Variants in PGRMC2 observed in about 807,000 individuals in gnomAD.
PGRMC2 encodes the protein progesterone receptor membrane component 2, also known as membrane-associated progesterone receptor component 2.
In PGRMC2, 9 loss-of-function variants were observed where a neutral mutation model predicts 19.3. The observed-to-expected ratio is 0.47, with a 90% CI of 0.28 to 0.81. The LOEUF is 0.81. Among genes scored for constraint, PGRMC2 ranks in the 40% least tolerant of loss-of-function variants. The probability of loss-of-function intolerance (pLI) is 0.11; values close to 1 mark genes in which losing one functional copy is unlikely to be tolerated. For missense variants in PGRMC2, 289 were observed against 297.3 expected (o/e 0.97, Z 0.21); for synonymous variants, 157 against 124.6 (o/e 1.26, Z -1.73).
chr4:128,276,530 A>C (rs62318161), intron 1 of PGRMC2, among the ~76,000 whole-genome samples: 97,576 of 151,896 alleles, frequency 0.64, 31,751 homozygotes, highest in Middle Eastern at 0.73. Flanking sequence ...TATATGGTGG[A>C]CAGGCTGGTC....
intron 1 of PGRMC2, chr4:128,286,988 C>T: frequency 2.7e-6 from 1 of 374,768 alleles, no homozygotes; most frequent in Non-Finnish European, 4.7e-6. Flanking sequence ...CCCCATCCAT[C>T]CCAGGAATCA....
intron 1 of PGRMC2, chr4:128,286,659 ATAT>A (rs1760987501): frequency 2.5e-6 from 1 of 398,480 alleles, no homozygotes; most frequent in Non-Finnish European, 4.4e-6. Context: ...CTCAAGGTGA[ATAT>A]CCTTACCAGT....
At chr4:128,279,034 C>A (rs942164818) in intron 1 of PGRMC2, among the ~76,000 whole-genome samples, 11 of 152,056 alleles carry the variant, frequency 7.2e-5, no homozygotes, top group Admixed American at 3.9e-4. Flanking sequence ...CATGGAGAAA[C>A]CCCGTCTCTA....
intron 1 of PGRMC2, among the ~76,000 whole-genome samples, chr4:128,283,458 T>C (rs949830162): frequency 1.4e-4 from 21 of 152,322 alleles, no homozygotes; most frequent in African/African-American, 4.6e-4. Flanking sequence ...GTTAGTGCAG[T>C]AGGTGGCACG....
chr4:128,274,659 T>C (rs1760781707), intron 1 of PGRMC2, among the ~76,000 whole-genome samples: 1 of 152,038 alleles, frequency 6.6e-6, no homozygotes, highest in African/African-American at 2.4e-5. Context: ...AACTAGTGTG[T>C]TTAAAAATAA....
chr4:128,278,497 G>C (rs539483514), intron 1 of PGRMC2, among the ~76,000 whole-genome samples: 1 of 151,716 alleles, frequency 6.6e-6, no homozygotes, highest in African/African-American at 2.4e-5. Flanking sequence ...GCTTGAACCC[G>C]GGATACGCAG....
rs1251450945 is a variant in PGRMC2 at position 128,269,640 on chromosome 4, C to G, written c.*1676G>C. 1 of 152,134 alleles carries G rather than the reference C, an allele frequency of 6.6e-6. No homozygotes were observed. The highest frequency in any genetic ancestry group is 1.5e-5 in the Non-Finnish European group (1 of 68,018). The allele number at this position is 152,134 out of a possible 1,614,324, so 9.4% of individuals were successfully genotyped here. ...GTTTGATGGCTTCTGCATGTATCTA[C>G]AAAGCAGAAGTCTTAACTGGTGACC... On this transcript the variant is annotated 3_prime_UTR_variant, in exon 3 of 3. Transcript: ENST00000296425.
chr4:128,272,724 G>A, intron 1 of PGRMC2: 2 of 372,194 alleles, frequency 5.4e-6, no homozygotes, highest in Admixed American at 9.2e-5. Context: ...TTTGACCCAA[G>A]TAAAGCTTTT....
At chr4:128,274,600 T>C (rs1313219425) in intron 1 of PGRMC2, among the ~76,000 whole-genome samples, 2 of 151,666 alleles carry the variant, frequency 1.3e-5, no homozygotes, top group African/African-American at 4.9e-5. Flanking sequence ...CTACACACTT[T>C]GTGGCAATGG....
At position 128,287,501 on chromosome 4, in the gene PGRMC2, C is replaced by A; in HGVS notation, c.290G>T (p.Arg97Leu). The change falls in exon 1 of 3, where the codon CGC (arginine) becomes CTC (leucine). Residue 97 changes from arginine (R) to leucine (L), a missense_variant. Physicochemically the swap from Arg to Leu is moderately radical, Grantham distance 102 (BLOSUM62 -2). Transcript: ENST00000296425. Reference protein sequence around the residue: ...GEESPATSLPRMKKRDFSLEQ... With the variant: ...GEESPATSLPLMKKRDFSLEQ... ...CAAGCTGAAGTCCCGCTTCTTCATG[C>A]GAGGCAGAGAGGTGGCGGGGCTCTC... 1 of 1,612,642 alleles carries A rather than the reference C, an allele frequency of 6.2e-7. No homozygotes were observed. The highest frequency in any genetic ancestry group is 1.3e-5 in the African/African-American group (1 of 75,016).
chr4:128,280,669 T>C (rs760349626), intron 1 of PGRMC2, among the ~76,000 whole-genome samples: 29 of 152,098 alleles, frequency 1.9e-4, no homozygotes, highest in Non-Finnish European at 3.5e-4. Context: ...GCAGTGGTGT[T>C]ATCAAGGCTC....
rs1216021447 is a variant in PGRMC2 at position 128,287,692 on chromosome 4, C to T, written c.99G>A (p.Ala33=). The change falls in exon 1 of 3, where the codon GCG becomes GCA. Residue 33 remains alanine (A), a synonymous_variant. Transcript: ENST00000296425. The part of the protein sequence containing the change: ...GGSESPGDAG[A]AAEGGGWAAA... ...CCGCCCAGCCTCCCCCTTCCGCTGCCGCTCCCGCGTCGCCTGGACTCTCGC... is the reference window on the plus strand; with the variant it reads ...CCGCCCAGCCTCCCCCTTCCGCTGCTGCTCCCGCGTCGCCTGGACTCTCGC... 6 of 1,526,234 alleles carry T rather than the reference C, an allele frequency of 3.9e-6. No individual in the cohort carries two copies. The African/African-American group carries it at 8.2e-5, about 21-fold the overall frequency. The allele number at this position is 1,526,234 out of a possible 1,614,324, so 94.5% of individuals were successfully genotyped here.
At position 128,269,298 on chromosome 4, in the gene PGRMC2, TTTTTC is replaced by T. The variant is rs892656716; in HGVS notation, c.*2013_*2017del. The T allele has an allele frequency of 6.6e-6, 1 of 152,216 alleles. No individual in the cohort carries two copies. The highest frequency in any genetic ancestry group is 1.5e-5 in the Non-Finnish European group (1 of 68,040). 9.4% of individuals were successfully genotyped at this position (152,216 alleles called of 1,614,324 possible). A position where few individuals can be genotyped will look rare whatever the true frequency, so the allele number is the denominator to read the frequency against. On this transcript the variant is annotated 3_prime_UTR_variant, in exon 3 of 3. Coordinates refer to ENST00000296425, the MANE Select transcript of PGRMC2 (RefSeq NM_006320.6). ...TCAAGTCCAAAACACAAATTACTCA[TTTTTC>T]TTAACAGACCGCATAATTTTTTCTG...
At chr4:128,274,607 A>G (rs1283099517) in intron 1 of PGRMC2, among the ~76,000 whole-genome samples, 1 of 151,976 alleles carries the variant, frequency 6.6e-6, no homozygotes, top group Non-Finnish European at 1.5e-5. Flanking sequence ...CTTTGTGGCA[A>G]TGGGTGTTTT....
At chr4:128,280,237 A>C (rs1760886885) in intron 1 of PGRMC2, among the ~76,000 whole-genome samples, 1 of 151,768 alleles carries the variant, frequency 6.6e-6, no homozygotes, top group Admixed American at 6.6e-5. Context: ...ATGGTACAAA[A>C]GGAAAGATTA....
At chr4:128,283,963 ATT>A (rs987297034) in intron 1 of PGRMC2, among the ~76,000 whole-genome samples, 2 of 115,322 alleles carry the variant, frequency 1.7e-5, no homozygotes, top group African/African-American at 6.1e-5. Flanking sequence ...CCTGGCCTTT[ATT>A]TTTTTATTTT....
intron 1 of PGRMC2, among the ~76,000 whole-genome samples, chr4:128,281,311 T>C (rs569162620): frequency 2.1e-4 from 32 of 152,288 alleles, no homozygotes; most frequent in African/African-American, 7.7e-4. Flanking sequence ...AAATAATCTG[T>C]CAAATGTCAG....
In PGRMC2 at chr4:128,271,405, C is replaced by A. The variant is rs1760727353; in HGVS notation, c.583G>T (p.Asp195Tyr). The A allele has an allele frequency of 1.3e-6, 2 of 1,578,632 alleles. No homozygotes were observed. Among genetic ancestry groups the A allele is most frequent in the Non-Finnish European group, 8.7e-7 (1 of 1,149,034 alleles). ...EWEMQFKEKY[D>Y]YVGRLLKPGE... is the part of the protein sequence containing the mutation. ...GGTTTTAGGAGTCTGCCTACATAATCATATTTTTCTGAAAGATACATCAAA... is the reference window on the plus strand; with the variant it reads ...GGTTTTAGGAGTCTGCCTACATAATAATATTTTTCTGAAAGATACATCAAA... Residue 195 changes from aspartate (D) to tyrosine (Y), a missense_variant, in exon 3 of 3, where the codon GAT becomes TAT. Asp to Tyr is a radical substitution (Grantham distance 160). Transcript: ENST00000296425.
At chr4:128,280,656 A>G (rs752184912) in intron 1 of PGRMC2, among the ~76,000 whole-genome samples, 3 of 152,050 alleles carry the variant, frequency 2.0e-5, no homozygotes, top group Non-Finnish European at 4.4e-5. Flanking sequence ...ACCCAGGTTG[A>G]GTGCAGTGGT....
Sources: allele counts gnomAD v4.1 joint callset (sites outside exome capture counted in the v4.1 genomes callset), GRCh38; gene constraint gnomAD v4.1.1; transcripts MANE v1.5; gene names NCBI Gene and HGNC (gene_info 2026-07-23, HGNC 2026-07-21).